LEMD1: variants seen among roughly 807,000 people sequenced by gnomAD.
LEMD1 encodes the protein LEM domain containing 1.
In LEMD1, 18 loss-of-function variants were observed where a neutral mutation model predicts 17.4. The ratio of observed to expected loss-of-function variants is 1.04; its 90% CI spans 0.72 to 1.54. The LOEUF (loss-of-function observed/expected upper bound fraction) is 1.54. LEMD1 is among the 40% of genes most tolerant of loss of function. The pLI, the probability that LEMD1 is intolerant of heterozygous loss-of-function variation, is 0.00. For synonymous variants in LEMD1, 88 were observed against 77.8 expected, an observed-to-expected ratio of 1.13 and a Z score of -0.69; for missense variants, 195 against 210.4, an observed-to-expected ratio of 0.93 and a Z score of 0.45.
intron 4 of LEMD1, among the ~76,000 whole-genome samples, chr1:205,390,050 T>C (rs80315982): frequency 0.026 from 3,878 of 151,262 alleles, 151 homozygotes; most frequent in African/African-American, 0.086. Flanking sequence ...TCTCCATTCC[T>C]GGTTTTTAAA....
chr1:205,382,550 ACTGTGCC>A lies in LEMD1; in HGVS notation c.348-701_348-695del, dbSNP rs1166029702. The stretch of plus-strand genomic sequence containing the variant: ...AGTGCTGGGATTACAGGCGTGAGCC[ACTGTGCC>A]CAGTCTCTAATTTCAACAAGTGATA... On this transcript the variant is annotated intron_variant, in intron 5 of 5. Coordinates refer to ENST00000367153, the MANE Select transcript of LEMD1 (RefSeq NM_001199050.2). 3.3e-5 allele frequency among the ~76,000 whole-genome samples: 5 copies of A among 152,284 alleles called. No individual in the cohort carries two copies. The East Asian group carries it at 9.7e-4, about 30-fold the overall frequency.
chr1:205,416,166 T>A, intron 4 of LEMD1, 66 bp downstream of exon 4: 3 of 1,009,562 alleles, frequency 3.0e-6, no homozygotes, highest in Non-Finnish European at 4.5e-6. Flanking sequence ...TTAATACAGA[T>A]GAACAGAGCT....
At chr1:205,426,898 G>C (rs543584765), upstream of LEMD1, among the ~76,000 whole-genome samples, 1 of 152,266 alleles carries the variant, frequency 6.6e-6, no homozygotes, top group East Asian at 1.9e-4. Context: ...GGCAGGGAGA[G>C]AGACCAAGTG....
chr1:205,427,513 G>C lies in LEMD1; in HGVS notation c.-38-6939C>G, dbSNP rs545483912. Among the ~76,000 whole-genome samples the C allele has an allele frequency of 1.2e-4, 18 of 152,034 alleles. No individual in the cohort carries two copies. The South Asian group carries it at 3.7e-3, about 32-fold the overall frequency. ...AGAGAGAGAGAGAGAGAGAGACAGA[G>C]AGAGAGACAGACAGAGCGCACACTC... On this transcript the variant is annotated intron_variant, in intron 1 of 3. Coordinates refer to the LEMD1 transcript ENST00000367154.
intron 4 of LEMD1, among the ~76,000 whole-genome samples, chr1:205,414,456 A>G (rs1665600186): frequency 6.6e-6 from 1 of 151,354 alleles, no homozygotes; most frequent in African/African-American, 2.4e-5. Flanking sequence ...ATGGGGTCTC[A>G]TGCTATTGCC....
At chr1:205,395,265 G>C (rs1447370485) in intron 4 of LEMD1, among the ~76,000 whole-genome samples, 1 of 152,174 alleles carries the variant, frequency 6.6e-6, no homozygotes, top group African/African-American at 2.4e-5. Context: ...GACCACGTAA[G>C]AATTCTTTGT....
At chr1:205,411,675 G>GA (rs1423502367) in intron 4 of LEMD1, among the ~76,000 whole-genome samples, 4 of 39,290 alleles carry the variant, frequency 1.0e-4, no homozygotes, top group African/African-American at 2.7e-4. Context: ...AGAAAGAAAA[G>GA]AAAGAAAGAA....
In LEMD1 at chr1:205,444,653, G is replaced by A. The variant is rs1474574035; in HGVS notation, c.-39+5215C>T. Among the ~76,000 whole-genome samples the A allele has an allele frequency of 3.3e-5, 5 of 152,058 alleles. No homozygotes were observed. The South Asian group carries it at 1.0e-3, about 32-fold the overall frequency. On this transcript the variant is annotated intron_variant, in intron 1 of 3. Coordinates refer to the LEMD1 transcript ENST00000367154. Reference sequence around the variant, plus strand: ...GAAAGTAAGATAAAGAGAAATCCAGGGCCCCAGGCTTGCAGACCACAAACT... The same window carrying A: ...GAAAGTAAGATAAAGAGAAATCCAGAGCCCCAGGCTTGCAGACCACAAACT...
chr1:205,398,693 T>G (rs1358438685), intron 4 of LEMD1, among the ~76,000 whole-genome samples: 1 of 152,082 alleles, frequency 6.6e-6, no homozygotes, highest in East Asian at 1.9e-4. Flanking sequence ...GGTTTCTGCC[T>G]GCCTGGTAGT....
intron 4 of LEMD1, among the ~76,000 whole-genome samples, chr1:205,399,440 C>T (rs939026953): frequency 6.6e-6 from 1 of 152,158 alleles, no homozygotes; most frequent in Non-Finnish European, 1.5e-5. Flanking sequence ...CAGATACATA[C>T]ATTTATTTTC....
intron 1 of LEMD1, among the ~76,000 whole-genome samples, chr1:205,449,564 C>T (rs1431301937): frequency 6.6e-6 from 1 of 152,170 alleles, no homozygotes; most frequent in Non-Finnish European, 1.5e-5. Context: ...TCCTGCATTC[C>T]CCAACAACAG....
At chr1:205,429,807 A>AT (rs1666102494) in intron 1 of LEMD1, among the ~76,000 whole-genome samples, 1 of 152,032 alleles carries the variant, frequency 6.6e-6, no homozygotes, top group African/African-American at 2.4e-5. Context: ...AGGGACAGGC[A>AT]TTTGGGGTCA....
intron 2 of LEMD1, among the ~76,000 whole-genome samples, chr1:205,419,766 C>T (rs959035719): frequency 4.6e-5 from 7 of 152,168 alleles, no homozygotes; most frequent in African/African-American, 1.4e-4. Context: ...GCGCCCTGCC[C>T]AATTACGGCT....
intron 5 of LEMD1, among the ~76,000 whole-genome samples, chr1:205,383,687 G>T (rs1217749836): frequency 1.4e-5 from 2 of 147,356 alleles, no homozygotes; most frequent in Non-Finnish European, 3.0e-5. Context: ...AGGCTGGAGT[G>T]CAGTGGCATG....
chr1:205,442,362 C>A (rs1461139000), intron 1 of LEMD1, among the ~76,000 whole-genome samples: 2 of 152,248 alleles, frequency 1.3e-5, no homozygotes, highest in African/African-American at 2.4e-5. Flanking sequence ...CCCAGCAAGG[C>A]ACATGTGCAA....
intron 3 of LEMD1, among the ~76,000 whole-genome samples, chr1:205,418,609 T>C (rs1408648142): frequency 6.6e-6 from 1 of 152,102 alleles, no homozygotes; most frequent in Non-Finnish European, 1.5e-5. Flanking sequence ...TCCGCCTCCC[T>C]GGTTCAGGCG....
intron 4 of LEMD1, among the ~76,000 whole-genome samples, chr1:205,398,174 A>G (rs529890535): frequency 1.3e-5 from 2 of 152,358 alleles, no homozygotes; most frequent in Admixed American, 1.3e-4. Flanking sequence ...GGGCTTATTA[A>G]GTAGTTCAGA....
chr1:205,419,451 C>G (rs1422194892), intron 2 of LEMD1, 99 bp from the exon 3 acceptor site: 3 of 1,356,222 alleles, frequency 2.2e-6, no homozygotes, highest in African/African-American at 2.9e-5. Flanking sequence ...TATTCTTAAC[C>G]CTTACATTAT....
chr1:205,438,091 C>T (rs1287366933), intron 1 of LEMD1, among the ~76,000 whole-genome samples: 1 of 152,202 alleles, frequency 6.6e-6, no homozygotes, highest in Non-Finnish European at 1.5e-5. Context: ...CTAGGCAACA[C>T]TCAAGTCACA....
Sources: allele counts gnomAD v4.1 joint callset (sites outside exome capture counted in the v4.1 genomes callset), GRCh38; gene constraint gnomAD v4.1.1; transcripts MANE v1.5; gene names NCBI Gene and HGNC (gene_info 2026-07-23, HGNC 2026-07-21).